PDLIM5: variants seen among roughly 807,000 people sequenced by gnomAD.
PDLIM5 encodes PDZ and LIM domain protein 5.
Under a neutral mutation model 64.2 loss-of-function variants are expected in PDLIM5, and 34 were observed. That is an observed-to-expected ratio of 0.53 (90% CI 0.40 to 0.71). PDLIM5 has a LOEUF of 0.71. Ranked by LOEUF, PDLIM5 falls within the 30% of genes least tolerant of loss-of-function variation. The pLI is 0.00. For synonymous variants in PDLIM5, 253 were observed against 269.1 expected (o/e 0.94, Z 0.59); for missense variants, 683 against 733.6 (o/e 0.93, Z 0.80).
intron 2 of PDLIM5, among the ~76,000 whole-genome samples, chr4:94,459,330 A>G (rs549129799): frequency 3.3e-5 from 5 of 152,316 alleles, no homozygotes; most frequent in African/African-American, 1.2e-4. Context: ...ATGTTTCTTT[A>G]AGAGATAAGA....
intron 3 of PDLIM5, among the ~76,000 whole-genome samples, chr4:94,534,369 T>G (rs1731142385): frequency 6.6e-6 from 1 of 152,220 alleles, no homozygotes; most frequent in African/African-American, 2.4e-5. Flanking sequence ...GGACTACCAT[T>G]TATTACTGAG....
At position 94,665,497 on chromosome 4, in the gene PDLIM5, A is replaced by AG. The variant is rs1264840325; in HGVS notation, c.*1430_*1431insG. The stretch of plus-strand genomic sequence containing the variant: ...TCCGGCTCTTAAAAAAAAAAAAAAA[A>AG]AAAAAAAAAGAGAGAGAGAGAATAA... On this transcript the variant is annotated 3_prime_UTR_variant, in exon 13 of 13. Coordinates refer to ENST00000317968, the MANE Select transcript of PDLIM5 (RefSeq NM_006457.5). 1 of 790,348 alleles carries AG rather than the reference A, an allele frequency of 1.3e-6. No individual in the cohort carries two copies. The highest frequency in any genetic ancestry group is 1.2e-4 in the East Asian group (1 of 8,216). The allele number at this position is 790,348 out of a possible 1,614,324, so 49.0% of individuals were successfully genotyped here. A position where few individuals can be genotyped will look rare whatever the true frequency, so the allele number is the denominator to read the frequency against.
intron 3 of PDLIM5, among the ~76,000 whole-genome samples, chr4:94,534,293 TA>T (rs1731133483): frequency 6.6e-6 from 1 of 152,200 alleles, no homozygotes; most frequent in Non-Finnish European, 1.5e-5. Flanking sequence ...CAAGTAAAAT[TA>T]CTAACTTTTG....
intron 6 of PDLIM5, 106 bp downstream of exon 6, chr4:94,585,843 T>C: frequency 1.2e-6 from 1 of 823,868 alleles, no homozygotes; most frequent in Non-Finnish European, 2.0e-6. Flanking sequence ...GACAGTTTGC[T>C]TTTAAATTAT....
rs150513048 is a variant in PDLIM5, at chr4:94,626,020, A to C, written c.1108+7829A>C. Among the ~76,000 whole-genome samples the C allele has an allele frequency of 6.6e-4, 101 of 152,346 alleles. 1 individual carries two copies. The highest frequency in any genetic ancestry group is 2.1e-3 in the African/African-American group (88 of 41,588). ...TGAAGAAGCATGATACAAGTAAGCT[A>C]TACATATAAAAGTTGTGACCATTTG... On this transcript the variant is annotated intron_variant, in intron 8 of 12. Transcript: ENST00000317968.
At chr4:94,627,881 G>A (rs949626545) in intron 8 of PDLIM5, among the ~76,000 whole-genome samples, 1 of 152,176 alleles carries the variant, frequency 6.6e-6, no homozygotes, top group Non-Finnish European at 1.5e-5. Flanking sequence ...TTGCTTGTCT[G>A]TAGTGTCTTT....
At chr4:94,602,025 T>C (rs952679134) in intron 7 of PDLIM5, among the ~76,000 whole-genome samples, 4 of 152,230 alleles carry the variant, frequency 2.6e-5, no homozygotes, top group African/African-American at 9.6e-5. Flanking sequence ...AATCTAGCTA[T>C]GACTCTGATA....
chr4:94,497,902 G>A (rs1467866133), intron 2 of PDLIM5, among the ~76,000 whole-genome samples: 1 of 152,138 alleles, frequency 6.6e-6, no homozygotes, highest in Non-Finnish European at 1.5e-5. Flanking sequence ...AGAAGGCTTT[G>A]GATGCTGAGA....
chr4:94,655,754 C>T (rs901366884), intron 10 of PDLIM5, among the ~76,000 whole-genome samples: 1 of 152,118 alleles, frequency 6.6e-6, no homozygotes, highest in Non-Finnish European at 1.5e-5. Flanking sequence ...GAGTCTTAGA[C>T]CCAAATAAAG....
At position 94,646,444 on chromosome 4, in the gene PDLIM5, C is replaced by T. The variant is rs147721918; in HGVS notation, c.1283+5994C>T. On this transcript the variant is annotated intron_variant, in intron 9 of 12. Transcript: ENST00000317968. ...TGGTCTTGAACTTTAGCTTCCAGAACTGTGAGAAAATAAATTCTTGTTGTT... is the reference window on the plus strand; with the variant it reads ...TGGTCTTGAACTTTAGCTTCCAGAATTGTGAGAAAATAAATTCTTGTTGTT... Among the ~76,000 whole-genome samples the T allele has an allele frequency of 5.4e-4, 82 of 152,302 alleles. 1 individual carries two copies. Among genetic ancestry groups the T allele is most frequent in the Middle Eastern group, 6.8e-3 (2 of 294 alleles).
At chr4:94,614,561 A>G (rs1738622725) in intron 7 of PDLIM5, among the ~76,000 whole-genome samples, 1 of 152,210 alleles carries the variant, frequency 6.6e-6, no homozygotes, top group Non-Finnish European at 1.5e-5. Context: ...TACAACATTA[A>G]ATGGTTCAAT....
chr4:94,484,684 G>T (rs1726156276), intron 2 of PDLIM5, among the ~76,000 whole-genome samples: 1 of 152,174 alleles, frequency 6.6e-6, no homozygotes, highest in Non-Finnish European at 1.5e-5. Context: ...CCATGTAGGG[G>T]TTTGTGTTAT....
chr4:94,582,452 G>T, intron 5 of PDLIM5: 1 of 360,288 alleles, frequency 2.8e-6, no homozygotes, highest in Non-Finnish European at 5.0e-6. Context: ...TGTGGGATGG[G>T]GGAACAAAAC....
intron 7 of PDLIM5, among the ~76,000 whole-genome samples, chr4:94,608,888 C>A (rs1209972477): frequency 6.6e-6 from 1 of 152,098 alleles, no homozygotes; most frequent in East Asian, 1.9e-4. Flanking sequence ...TCTCTCCAGA[C>A]CCTGACGTTT....
chr4:94,597,417 A>C (rs563060208), intron 7 of PDLIM5, among the ~76,000 whole-genome samples: 1 of 152,298 alleles, frequency 6.6e-6, no homozygotes, highest in East Asian at 1.9e-4. Context: ...TAAAACCAAA[A>C]ATCCTTTATA....
chr4:94,570,044 A>G (rs1013557019), intron 3 of PDLIM5, among the ~76,000 whole-genome samples: 1 of 152,142 alleles, frequency 6.6e-6, no homozygotes, highest in Non-Finnish European at 1.5e-5. Flanking sequence ...GAAAAGGATT[A>G]TTGCAACAAA....
At chr4:94,543,778 CTGTGTGTGTGTGTGTGTGTGTG>C (rs60929032) in intron 3 of PDLIM5, among the ~76,000 whole-genome samples, 6,319 of 132,130 alleles carry the variant, frequency 0.048, 483 homozygotes, top group African/African-American at 0.16. Flanking sequence ...TAGTATTCCA[CTGTGTGTGTGTGTGTGTGTGTG>C]TGTGTGTGTG....
At chr4:94,556,529 A>C (rs1733343106) in intron 3 of PDLIM5, among the ~76,000 whole-genome samples, 1 of 152,214 alleles carries the variant, frequency 6.6e-6, no homozygotes, top group South Asian at 2.1e-4. Context: ...CCAACAGTGT[A>C]AAAGTGTTCC....
chr4:94,650,208 CTT>C (rs1341115317), intron 9 of PDLIM5, among the ~76,000 whole-genome samples: 18 of 152,074 alleles, frequency 1.2e-4, no homozygotes, highest in African/African-American at 2.7e-4. Flanking sequence ...CTGCTTGTGT[CTT>C]TGTGTGTAAT....
Sources: gnomAD v4.1 joint callset for allele counts (sites outside exome capture counted in the v4.1 genomes callset) on GRCh38, gnomAD v4.1.1 for gene constraint, MANE v1.5 for transcripts, NCBI Gene and HGNC (gene_info 2026-07-23, HGNC 2026-07-21) for gene names.